EEA1: variants seen among roughly 807,000 people sequenced by gnomAD.
The protein encoded by EEA1 is early endosome antigen 1, 162kD.
In EEA1, 111 loss-of-function variants were observed where a neutral mutation model predicts 209.2. The observed-to-expected ratio is 0.53, with a 90% CI of 0.45 to 0.62. The LOEUF is 0.62. EEA1 is among the 20% of genes least tolerant of loss of function. The pLI, the probability that EEA1 is intolerant of heterozygous loss-of-function variation, is 0.00. For missense variants in EEA1, 1,343 were observed against 1,530.8 expected, an observed-to-expected ratio of 0.88 and a Z score of 2.05; for synonymous variants, 536 against 540.6, an observed-to-expected ratio of 0.99 and a Z score of 0.12.
intron 1 of EEA1, among the ~76,000 whole-genome samples, chr12:92,925,081 T>C (rs954091453): frequency 4.6e-5 from 7 of 151,520 alleles, no homozygotes; most frequent in African/African-American, 7.3e-5. Context: ...CTCTGAACAA[T>C]TCCTCTCTCT....
intron 9 of EEA1, among the ~76,000 whole-genome samples, chr12:92,844,576 C>G (rs1428627982): frequency 6.6e-6 from 1 of 152,018 alleles, no homozygotes; most frequent in Non-Finnish European, 1.5e-5. Flanking sequence ...AACATGTAAC[C>G]TTGAAATGGA....
intron 1 of EEA1, among the ~76,000 whole-genome samples, chr12:92,921,656 G>A (rs1180453445): frequency 7.4e-6 from 1 of 135,086 alleles, no homozygotes; most frequent in Non-Finnish European, 1.6e-5. Flanking sequence ...GCTAGATGAC[G>A]AGTTAGTGGG....
intron 13 of EEA1, 35 bp from the exon 14 acceptor site, chr12:92,819,546 G>A (rs775762314): frequency 1.4e-6 from 2 of 1,437,628 alleles, no homozygotes; most frequent in East Asian, 4.7e-5. Flanking sequence ...TTTAAGAATA[G>A]AGAACTTAAA....
chr12:92,842,679 T>C, intron 9 of EEA1, 98 bp from the exon 10 acceptor site: 2 of 750,924 alleles, frequency 2.7e-6, no homozygotes, highest in South Asian at 3.7e-5. Context: ...ACAAATTTTT[T>C]GTTGTTGGAA....
chr12:92,843,007 C>A (rs1413479270), intron 9 of EEA1, among the ~76,000 whole-genome samples: 1 of 152,126 alleles, frequency 6.6e-6, no homozygotes, highest in Non-Finnish European at 1.5e-5. Context: ...CAACACAGAG[C>A]TTGATATTAG....
chr12:92,861,227 G>A (rs534116249), intron 3 of EEA1, among the ~76,000 whole-genome samples: 2 of 152,226 alleles, frequency 1.3e-5, no homozygotes, highest in South Asian at 2.1e-4. Flanking sequence ...AGGCCGAGGC[G>A]GGCAGATCAC....
At chr12:92,861,999 T>C (rs1407727567) in intron 3 of EEA1, among the ~76,000 whole-genome samples, 1 of 152,160 alleles carries the variant, frequency 6.6e-6, no homozygotes, top group East Asian at 1.9e-4. Flanking sequence ...CTTCAAATAT[T>C]TGATTGATGT....
intron 13 of EEA1, among the ~76,000 whole-genome samples, chr12:92,824,152 C>A (rs1204883650): frequency 6.6e-6 from 1 of 152,128 alleles, no homozygotes; most frequent in African/African-American, 2.4e-5. Context: ...TTCCAAATGC[C>A]CAGACTAAAA....
Position 92,909,721 on chromosome 12 carries a change from A to G in EEA1, c.25-18000T>C, listed in dbSNP as rs559607067. On this transcript the variant is annotated intron_variant, in intron 1 of 28. Coordinates refer to ENST00000322349, the MANE Select transcript of EEA1 (RefSeq NM_003566.4). ...GTTATCATGGGAATGGCTTTGTTAT[A>G]AAGACAAGCTTGTGGCCGAGCATGG... Among the ~76,000 whole-genome samples, 3 of 152,336 alleles carry G rather than the reference A, an allele frequency of 2.0e-5. No homozygotes were observed. The South Asian group carries it at 6.2e-4, about 32-fold the overall frequency.
In EEA1 at chr12:92,852,219, ATTC is replaced by A; in HGVS notation, c.595_597del (p.Glu199del). ...TGAATTACAGTTGCCTCTTTGTTTA[ATTC>A]TTCTGTCAGACGTGTCACTTTTTGT... On this transcript the variant is annotated inframe_deletion, in exon 8 of 29. Transcript: ENST00000322349. 6.3e-7 allele frequency: 1 copy of A among 1,596,538 alleles called. No homozygotes were observed. Among genetic ancestry groups the A allele is most frequent in the African/African-American group, 1.3e-5 (1 of 74,088 alleles).
chr12:92,805,228 C>T (rs1051531288), intron 18 of EEA1, among the ~76,000 whole-genome samples: 1 of 152,082 alleles, frequency 6.6e-6, no homozygotes, highest in Non-Finnish European at 1.5e-5. Flanking sequence ...CCTCAAATAC[C>T]TAGGCACTGG....
At chr12:92,850,689 C>CAAAAAAAAAAAAAAAAAAAAAAAAAA (rs11323932) in intron 9 of EEA1, among the ~76,000 whole-genome samples, 1 of 46,922 alleles carries the variant, frequency 2.1e-5, no homozygotes. Context: ...GACTTTGTCT[C>CAAAAAAAAAAAAAAAAAAAAAAAAAA]AAAAAAAAAA....
chr12:92,824,978 T>C (rs1466264266), intron 13 of EEA1, among the ~76,000 whole-genome samples: 2 of 152,216 alleles, frequency 1.3e-5, no homozygotes, highest in African/African-American at 2.4e-5. Context: ...CTGACTCCCA[T>C]GCCACTCTCC....
At chr12:92,860,972 G>C (rs1405880208) in intron 3 of EEA1, among the ~76,000 whole-genome samples, 3 of 151,816 alleles carry the variant, frequency 2.0e-5, no homozygotes, top group African/African-American at 7.3e-5. Context: ...AAATAGGGGG[G>C]AAATACACAC....
Position 92,798,906 on chromosome 12 carries a change from C to T in EEA1, c.2953G>A (p.Ala985Thr). 6.3e-7 allele frequency: 1 copy of T among 1,586,500 alleles called. No individual in the cohort carries two copies. Reference protein sequence around the residue: ...IEALQGELKIAVLQKTELENK... With the variant: ...IEALQGELKITVLQKTELENK... Reference sequence around the variant, plus strand: ...TATATCACTACCTTCTGTAAAACAGCAATTTTAAGCTCTCCTTGGAGTGCT... The same window carrying T: ...TATATCACTACCTTCTGTAAAACAGTAATTTTAAGCTCTCCTTGGAGTGCT... The change falls in exon 21 of 29, where the codon GCT (alanine) becomes ACT (threonine). Residue 985 changes from alanine (A) to threonine (T), a missense_variant. This residue lies in a region of EEA1 where 1,307 missense variants were observed against 1,465.5 expected (regional missense o/e 0.89). Coordinates refer to ENST00000322349, the MANE Select transcript of EEA1 (RefSeq NM_003566.4).
At chr12:92,810,524 T>G (rs983883964) in intron 17 of EEA1, among the ~76,000 whole-genome samples, 1 of 152,158 alleles carries the variant, frequency 6.6e-6, no homozygotes, top group Non-Finnish European at 1.5e-5. Flanking sequence ...TATATTGGTA[T>G]GTATGTACAT....
intron 9 of EEA1, among the ~76,000 whole-genome samples, chr12:92,844,703 G>A (rs1877318656): frequency 6.6e-6 from 1 of 151,852 alleles, no homozygotes; most frequent in African/African-American, 2.4e-5. Flanking sequence ...TAATCATATA[G>A]CAAAAATGCC....
chr12:92,831,346 A>G (rs1198599919), intron 11 of EEA1, among the ~76,000 whole-genome samples: 2 of 151,472 alleles, frequency 1.3e-5, no homozygotes, highest in African/African-American at 2.4e-5. Flanking sequence ...CAAAACTTGC[A>G]TTAAACTTCA....
At chr12:92,787,370 T>C (rs765667296) in intron 22 of EEA1, among the ~76,000 whole-genome samples, 6 of 152,110 alleles carry the variant, frequency 3.9e-5, no homozygotes, top group Non-Finnish European at 7.4e-5. Flanking sequence ...TCAAATAACA[T>C]TACCAAAGAC....
Sources: gnomAD v4.1 joint callset for allele counts (sites outside exome capture counted in the v4.1 genomes callset) on GRCh38, gnomAD v4.1.1 for gene constraint, gnomAD v4.1.1 regional missense constraint, MANE v1.5 for transcripts, NCBI Gene and HGNC (gene_info 2026-07-23, HGNC 2026-07-21) for gene names.